DNAJC1: variants seen among roughly 807,000 people sequenced by gnomAD.
The protein encoded by DNAJC1 is dnaJ homolog subfamily C member 1.
In DNAJC1, 58 loss-of-function variants were observed where a neutral mutation model predicts 76.6. The observed-to-expected ratio is 0.76, with a 90% CI of 0.61 to 0.94. DNAJC1 has a LOEUF of 0.94. Among genes scored for constraint, DNAJC1 ranks in the 40% least tolerant of loss-of-function variants. DNAJC1 has a pLI of 0.00. For synonymous variants in DNAJC1, 258 were observed against 267.9 expected (o/e 0.96, Z 0.36); for missense variants, 689 against 677.3 (o/e 1.02, Z -0.19).
intron 1 of DNAJC1, among the ~76,000 whole-genome samples, chr10:21,987,393 T>G (rs1590081348): frequency 6.6e-6 from 1 of 152,256 alleles, no homozygotes; most frequent in Admixed American, 6.5e-5. Flanking sequence ...TCTACAATAT[T>G]TGAATTAAAG....
intron 1 of DNAJC1, among the ~76,000 whole-genome samples, chr10:21,976,274 C>T (rs968039883): frequency 1.3e-5 from 2 of 152,084 alleles, no homozygotes; most frequent in Admixed American, 6.6e-5. Flanking sequence ...AAAGTATATA[C>T]CAACCAGGCA....
intron 7 of DNAJC1, among the ~76,000 whole-genome samples, chr10:21,899,430 G>A (rs542231348): frequency 3.0e-4 from 46 of 152,346 alleles, no homozygotes; most frequent in African/African-American, 1.1e-3. Flanking sequence ...ACAGGCTGGA[G>A]TCTACCTGAG....
intron 1 of DNAJC1, among the ~76,000 whole-genome samples, chr10:21,956,795 A>G (rs943371830): frequency 2.1e-5 from 3 of 145,324 alleles, no homozygotes; most frequent in Admixed American, 1.4e-4. Flanking sequence ...AGATGCAGTT[A>G]AAAGCCTCCA....
chr10:21,966,572 C>A (rs754027816), intron 1 of DNAJC1, among the ~76,000 whole-genome samples: 13 of 151,874 alleles, frequency 8.6e-5, no homozygotes, highest in Non-Finnish European at 1.5e-4. Flanking sequence ...TTTTATCCTA[C>A]AGGTTAAAAT....
intron 1 of DNAJC1, among the ~76,000 whole-genome samples, chr10:21,941,225 C>T (rs1321779547): frequency 1.4e-5 from 2 of 141,750 alleles, no homozygotes; most frequent in African/African-American, 2.6e-5. Flanking sequence ...GCCGAGATCG[C>T]GCCACTACAC....
At chr10:21,768,722 G>C (rs1834331811) in intron 9 of DNAJC1, among the ~76,000 whole-genome samples, 1 of 152,172 alleles carries the variant, frequency 6.6e-6, no homozygotes, top group African/African-American at 2.4e-5. Flanking sequence ...ACAAACTGAA[G>C]TTATCCAACA....
intron 8 of DNAJC1, among the ~76,000 whole-genome samples, chr10:21,853,787 CAAAAAAAA>C (rs1011936425): frequency 1.6e-4 from 2 of 12,602 alleles, no homozygotes; most frequent in Non-Finnish European, 3.5e-4. Context: ...GACTCCATCT[CAAAAAAAA>C]AAAAAAAAAA....
intron 6 of DNAJC1, among the ~76,000 whole-genome samples, chr10:21,918,268 GAAACTCATTACCTGTATAAGACA>G (rs1241369936): frequency 6.6e-6 from 1 of 151,114 alleles, no homozygotes; most frequent in East Asian, 1.9e-4. Flanking sequence ...AATAGAAACA[GAAACTCATTACCTGTATAAGACA>G]AAATGTCCTC....
chr10:22,003,351 C>CTG lies in DNAJC1; in HGVS notation c.83_84insCA (p.Thr29ArgfsTer31), dbSNP rs575609970. On this transcript the variant is annotated frameshift_variant, in exon 1 of 12. Coordinates refer to ENST00000376980, the MANE Select transcript of DNAJC1 (RefSeq NM_022365.4). LOFTEE classifies it high-confidence loss of function. Reference sequence around the variant, plus strand: ...GCAGCAGCAGCCACAGCAGCGGCGTCCGCGGCGGCGGCGGCGGGAACGGCA... The same window carrying CTG: ...GCAGCAGCAGCCACAGCAGCGGCGTCTGCGCGGCGGCGGCGGCGGGAACGGCA... 1.1e-3 allele frequency: 1,562 copies of CTG among 1,432,984 alleles called. 10 individuals are homozygous for CTG. Among genetic ancestry groups the CTG allele is most frequent in the South Asian group, 9.8e-3 (647 of 66,074 alleles). The allele number at this position is 1,432,984 out of a possible 1,614,324, so 88.8% of individuals were successfully genotyped here. A position where few individuals can be genotyped will look rare whatever the true frequency, so the allele number is the denominator to read the frequency against.
chr10:21,909,691 T>C (rs1836822249), intron 6 of DNAJC1, among the ~76,000 whole-genome samples: 1 of 152,232 alleles, frequency 6.6e-6, no homozygotes. Flanking sequence ...GGATGGGCTG[T>C]GGATGGAAAT....
intron 8 of DNAJC1, among the ~76,000 whole-genome samples, chr10:21,850,501 T>C (rs1408194437): frequency 4.0e-5 from 6 of 151,722 alleles, no homozygotes; most frequent in African/African-American, 1.4e-4. Context: ...CATGTTCATG[T>C]ATTGGAATAC....
rs1041181495 is a variant in DNAJC1, at chr10:21,805,980, A to G, written c.1098T>C (p.Asp366=). Residue 366 remains aspartate (D), a splice_region_variant and synonymous_variant, in exon 9 of 12, where the codon GAT becomes GAC. Coordinates refer to ENST00000376980, the MANE Select transcript of DNAJC1 (RefSeq NM_022365.4). ...IAHELGRSVT[D]VTTKAKQLKD... The stretch of plus-strand genomic sequence containing the variant: ...ACAATGCAAATCTCAGTGAACTCAC[A>G]TCTGTCACAGATCGACCCAATTCGT... The G allele has an allele frequency of 1.2e-6, 2 of 1,611,498 alleles. No individual in the cohort carries two copies. Among genetic ancestry groups the G allele is most frequent in the Non-Finnish European group, 1.7e-6 (2 of 1,179,510 alleles).
At chr10:21,996,075 A>G (rs563841469) in intron 1 of DNAJC1, among the ~76,000 whole-genome samples, 7 of 152,324 alleles carry the variant, frequency 4.6e-5, no homozygotes, top group Admixed American at 6.5e-5. Context: ...TTTTGAAAAT[A>G]TGACTGTGAC....
chr10:21,761,186 A>G (rs753713995), intron 10 of DNAJC1, among the ~76,000 whole-genome samples: 2 of 152,186 alleles, frequency 1.3e-5, no homozygotes, highest in Non-Finnish European at 2.9e-5. Flanking sequence ...TCTCAAAACA[A>G]CAACAAAAAA....
At chr10:21,973,831 G>A (rs1016771527) in intron 1 of DNAJC1, among the ~76,000 whole-genome samples, 4 of 151,874 alleles carry the variant, frequency 2.6e-5, no homozygotes, top group Non-Finnish European at 5.9e-5. Flanking sequence ...GGCCAGGTGC[G>A]GTGGCTCACA....
At chr10:21,959,798 A>ACC (rs1837756417) in intron 1 of DNAJC1, among the ~76,000 whole-genome samples, 1 of 67,460 alleles carries the variant, frequency 1.5e-5, no homozygotes. Context: ...AAAAAACAAA[A>ACC]ACAAAAAAAA....
chr10:21,822,956 T>C (rs1336043831), intron 8 of DNAJC1, among the ~76,000 whole-genome samples: 3 of 151,626 alleles, frequency 2.0e-5, no homozygotes, highest in African/African-American at 7.3e-5. Context: ...ACATGTTAAA[T>C]TGAAAAAACT....
chr10:21,813,212 C>CTATATATA (rs1564794844), intron 8 of DNAJC1, among the ~76,000 whole-genome samples: 4 of 52,072 alleles, frequency 7.7e-5, no homozygotes, highest in Non-Finnish European at 1.3e-4. Context: ...CTCTCTCTCT[C>CTATATATA]TCTCTCTCTA....
chr10:21,823,295 T>C (rs1449552962), intron 8 of DNAJC1, among the ~76,000 whole-genome samples: 3 of 152,188 alleles, frequency 2.0e-5, no homozygotes, highest in Non-Finnish European at 4.4e-5. Flanking sequence ...GGTATACATC[T>C]GTAAGATGGT....
Sources: allele counts gnomAD v4.1 joint callset (sites outside exome capture counted in the v4.1 genomes callset), GRCh38; gene constraint gnomAD v4.1.1; transcripts MANE v1.5; gene names NCBI Gene and HGNC (gene_info 2026-07-23, HGNC 2026-07-21).